Variants in NBR1 observed in about 807,000 individuals in gnomAD.
The protein encoded by NBR1 is next to BRCA1 gene 1 protein.
In NBR1, 59 loss-of-function variants were observed where a neutral mutation model predicts 115.5. The observed-to-expected ratio is 0.51, with a 90% CI of 0.41 to 0.63. The LOEUF (loss-of-function observed/expected upper bound fraction) is 0.63, where lower values mean the gene tolerates loss of function less well. Ranked by LOEUF, NBR1 falls within the 30% of genes least tolerant of loss-of-function variation. The pLI, the probability that NBR1 is intolerant of heterozygous loss-of-function variation, is 0.00. For missense variants in NBR1, 1,043 were observed against 1,150.5 expected (o/e 0.91, Z 1.35); for synonymous variants, 373 against 414.7 (o/e 0.90, Z 1.22).
At chr17:43,196,679 T>C in intron 15 of NBR1, 88 bp downstream of exon 15, 1 of 1,050,954 alleles carries the variant, frequency 9.5e-7, no homozygotes. Flanking sequence ...GACCCTACCT[T>C]AGCATGTAAA....
chr17:43,186,478 G>GTTTCTT, intron 6 of NBR1, 34 bp downstream of exon 6: 2 of 1,409,234 alleles, frequency 1.4e-6, no homozygotes, highest in Non-Finnish European at 1.9e-6. Flanking sequence ...ATCCAATATC[G>GTTTCTT]TTTCTTTTTT....
rs764988384 is a variant in NBR1, at chr17:43,186,355, A to G, written c.313A>G (p.Arg105Gly). 5.0e-6 allele frequency: 8 copies of G among 1,601,030 alleles called. No individual in the cohort carries two copies. Among genetic ancestry groups the G allele is most frequent in the East Asian group, 2.3e-5 (1 of 44,390 alleles). The change falls in exon 6 of 21, where the codon AGG becomes GGG. Residue 105 changes from arginine (R) to glycine (G), a missense_variant. Coordinates refer to ENST00000590996, the MANE Select transcript of NBR1 (RefSeq NM_005899.5). ...PVVGAKRLAARAGKKPLAHYS... is the reference protein window; with the variant it reads ...PVVGAKRLAAGAGKKPLAHYS... ...TGTAGGAGCAAAACGACTAGCTGCC[A>G]GGGCAGGGAAGAAGCCACTTGCACA...
chr17:43,203,661 AATT>A lies in NBR1; in HGVS notation c.2622-19_2622-17del. On this transcript the variant is annotated splice_polypyrimidine_tract_variant and intron_variant, in intron 19 of 20. Coordinates refer to ENST00000590996, the MANE Select transcript of NBR1 (RefSeq NM_005899.5). ...ATGATTTGTGTTTGTTTGGGGAGAT[AATT>A]TGGTTTTCCTCTGCAGGCACCATCA... 6.6e-7 allele frequency: 1 copy of A among 1,506,506 alleles called. No homozygotes were observed. The highest frequency in any genetic ancestry group is 2.3e-5 in the East Asian group (1 of 43,886). 93.3% of individuals were successfully genotyped at this position (1,506,506 alleles called of 1,614,324 possible).
chr17:43,189,200 G>A, intron 7 of NBR1, 81 bp downstream of exon 7: 1 of 1,021,914 alleles, frequency 9.8e-7, no homozygotes, highest in Non-Finnish European at 1.6e-6. Context: ...CTGAACCCAG[G>A]TGGCTGCTGC....
In NBR1 at chr17:43,193,402, T is replaced by G; in HGVS notation, c.1288T>G (p.Leu430Val). Residue 430 changes from leucine (L) to valine (V), a missense_variant, in exon 12 of 21, where the codon TTG becomes GTG. Coordinates refer to ENST00000590996, the MANE Select transcript of NBR1 (RefSeq NM_005899.5). ...GGCTTCCACAGAAAAGAAGGATGTTTTGGTTCCCTGCCTCAAGGCCGGCCA... is the reference window on the plus strand; with the variant it reads ...GGCTTCCACAGAAAAGAAGGATGTTGTGGTTCCCTGCCTCAAGGCCGGCCA... ...TLASTEKKDVLVPCLKAGHVG... is the reference protein window; with the variant it reads ...TLASTEKKDVVVPCLKAGHVG... The G allele has an allele frequency of 6.2e-7, 1 of 1,613,984 alleles. No individual in the cohort carries two copies. The highest frequency in any genetic ancestry group is 1.1e-5 in the South Asian group (1 of 91,072).
Position 43,191,481 on chromosome 17 carries a change from C to T in NBR1, c.973C>T (p.Leu325Phe). Residue 325 changes from leucine (L) to phenylalanine (F), a missense_variant, in exon 10 of 21, where the codon CTC becomes TTC. Leu to Phe is a conservative substitution (Grantham distance 22). Transcript: ENST00000590996. ...EVKELKKQLK[L>F]HRKIHLWNSI... ...CAAGGAACTTAAAAAGCAGCTTAAACTCCATAGGAAAATTCACCTGTGGAA... is the reference window on the plus strand; with the variant it reads ...CAAGGAACTTAAAAAGCAGCTTAAATTCCATAGGAAAATTCACCTGTGGAA... 6.2e-7 allele frequency: 1 copy of T among 1,613,124 alleles called. No individual in the cohort carries two copies. The highest frequency in any genetic ancestry group is 1.6e-4 in the Middle Eastern group (1 of 6,062).
intron 3 of NBR1, among the ~76,000 whole-genome samples, chr17:43,178,618 C>A (rs1272388807): frequency 6.6e-6 from 1 of 152,032 alleles, no homozygotes; most frequent in Admixed American, 6.6e-5. Context: ...CTCAAGCGAT[C>A]AGCCCACCTC....
At position 43,193,101 on chromosome 17, in the gene NBR1, T is replaced by G; in HGVS notation, c.1081T>G (p.Leu361Val). Residue 361 changes from leucine to valine, a missense_variant, in exon 11 of 21, where the codon TTG (leucine) becomes GTG (valine). By Grantham distance (32) the Leu-to-Val change is conservative. Coordinates refer to ENST00000590996, the MANE Select transcript of NBR1 (RefSeq NM_005899.5). ...ATCTGAATTTCTGTTCAGGCTCCCT[T>G]TGCAGCCCTGTACCTCCGTTATGCC... Reference protein sequence around the residue: ...LLQSNTLMLPLQPCTSVMPML... With the variant: ...LLQSNTLMLPVQPCTSVMPML... 1 of 1,613,748 alleles carries G rather than the reference T, an allele frequency of 6.2e-7. No individual in the cohort carries two copies. Among genetic ancestry groups the G allele is most frequent in the South Asian group, 1.1e-5 (1 of 91,050 alleles).
At chr17:43,171,417 G>A (rs1285707527) in intron 1 of NBR1, 115 bp downstream of exon 1, 1 of 152,382 alleles carries the variant, frequency 6.6e-6, no homozygotes, top group African/African-American at 2.4e-5. Flanking sequence ...CGTGTTTCGG[G>A]ACAGCTAATC....
intron 6 of NBR1, among the ~76,000 whole-genome samples, chr17:43,187,252 C>T (rs972945392): frequency 6.6e-6 from 1 of 152,150 alleles, no homozygotes; most frequent in Admixed American, 6.6e-5. Context: ...GCGATCTCGG[C>T]TTATTGCAAG....
intron 20 of NBR1, among the ~76,000 whole-genome samples, chr17:43,206,837 C>T (rs1036509914): frequency 6.6e-5 from 10 of 152,132 alleles, no homozygotes; most frequent in Admixed American, 5.9e-4. Context: ...CCAAGGTGGG[C>T]AGATCACTTG....
rs1359037440 is a variant in NBR1, at chr17:43,193,423, G to T, written c.1309G>T (p.Gly437Cys). Residue 437 changes from glycine (G) to cysteine (C), a missense_variant, in exon 12 of 21, where the codon GGC becomes TGC. Transcript: ENST00000590996. ...TGTTTTGGTTCCCTGCCTCAAGGCC[G>T]GCCATGTGGGAGTTGTATCTGTGGA... ...KDVLVPCLKA[G>C]HVGVVSVEFI... 1 of 1,613,828 alleles carries T rather than the reference G, an allele frequency of 6.2e-7. No homozygotes were observed. Among genetic ancestry groups the T allele is most frequent in the African/African-American group, 1.3e-5 (1 of 74,892 alleles).
chr17:43,206,926 TTGG>T (rs2154582467), intron 20 of NBR1, among the ~76,000 whole-genome samples: 1 of 151,826 alleles, frequency 6.6e-6, no homozygotes, highest in Admixed American at 6.6e-5. Context: ...TTAGCCGGAC[TTGG>T]TGGCGCACAC....
intron 6 of NBR1, among the ~76,000 whole-genome samples, chr17:43,188,472 C>T (rs2056870415): frequency 6.6e-6 from 1 of 152,102 alleles, no homozygotes; most frequent in Non-Finnish European, 1.5e-5. Flanking sequence ...TAATTAGATC[C>T]CATTGTCAAT....
rs190879952 is a variant in NBR1, at chr17:43,179,639, A to G, written c.184+227A>G. Among the ~76,000 whole-genome samples the G allele has an allele frequency of 1.4e-3, 219 of 152,352 alleles. 1 individual carries two copies. The highest frequency in any genetic ancestry group is 2.5e-3 in the Non-Finnish European group (168 of 68,034). ...CTTTAATGGGAGGTTCTCATATTTA[A>G]GATGCCAGTCCTCTGAAATTAATAT... On this transcript the variant is annotated intron_variant, in intron 4 of 20. Coordinates refer to ENST00000590996, the MANE Select transcript of NBR1 (RefSeq NM_005899.5).
intron 10 of NBR1, among the ~76,000 whole-genome samples, chr17:43,192,575 T>C (rs907083055): frequency 3.0e-4 from 45 of 151,926 alleles, no homozygotes; most frequent in Non-Finnish European, 5.9e-5. Context: ...TTCACCGTGT[T>C]AGCCAGGATG....
At chr17:43,190,300 G>A in intron 8 of NBR1, 2 of 382,978 alleles carry the variant, frequency 5.2e-6, no homozygotes, top group South Asian at 4.4e-5. Context: ...CAAACTACTG[G>A]ACTCAAATGA....
At chr17:43,209,862 A>ATTT (rs11322550) in intron 20 of NBR1, 39 bp from the exon 21 acceptor site, 12 of 1,367,534 alleles carry the variant, frequency 8.8e-6, no homozygotes, top group East Asian at 2.7e-5. Context: ...ATTATACAGA[A>ATTT]TTTTTTTTTT....
intron 10 of NBR1, among the ~76,000 whole-genome samples, 186 bp downstream of exon 10, chr17:43,191,767 G>C (rs2056952095): frequency 6.6e-6 from 1 of 152,190 alleles, no homozygotes; most frequent in African/African-American, 2.4e-5. Flanking sequence ...TGTCACCCAG[G>C]CGGTAGTGCA....
Sources: allele counts gnomAD v4.1 joint callset (sites outside exome capture counted in the v4.1 genomes callset), GRCh38; gene constraint gnomAD v4.1.1; transcripts MANE v1.5; gene names NCBI Gene and HGNC (gene_info 2026-07-23, HGNC 2026-07-21).